The following INTS4 variants were observed in gnomAD, a reference collection of about 807,000 sequenced individuals.
INTS4 encodes integrator complex subunit 4.
In INTS4, 70 loss-of-function variants were observed where a neutral mutation model predicts 119.5. That is an observed-to-expected ratio of 0.59 (90% CI 0.48 to 0.71). The LOEUF is 0.71. INTS4 is among the 30% of genes least tolerant of loss of function. INTS4 has a pLI of 0.00. For missense variants in INTS4, 867 were observed against 1,173.2 expected (o/e 0.74, Z 3.81); for synonymous variants, 316 against 419.6 (o/e 0.75, Z 3.02).
At chr11:77,931,036 A>C (rs1953635912) in intron 10 of INTS4, among the ~76,000 whole-genome samples, 1 of 152,220 alleles carries the variant, frequency 6.6e-6, no homozygotes, top group African/African-American at 2.4e-5. Flanking sequence ...GCTTACAAAC[A>C]AGAACAGTTA....
chr11:77,947,269 T>C (rs1477779450), intron 8 of INTS4, among the ~76,000 whole-genome samples: 28 of 152,032 alleles, frequency 1.8e-4, no homozygotes, highest in Non-Finnish European at 2.8e-4. Flanking sequence ...ACTTGCCAAG[T>C]AGTGGGAGAA....
At chr11:77,882,190 CA>C (rs569590112) in intron 22 of INTS4, among the ~76,000 whole-genome samples, 238 of 152,270 alleles carry the variant, frequency 1.6e-3, no homozygotes, top group African/African-American at 5.1e-3. Flanking sequence ...ATTACAGGTA[CA>C]AGCCACCAGG....
intron 14 of INTS4, among the ~76,000 whole-genome samples, chr11:77,920,270 T>C (rs79766957): frequency 5.3e-5 from 6 of 114,014 alleles, no homozygotes; most frequent in Admixed American, 1.7e-4. Context: ...TATATACACA[T>C]ATATATACAC....
At chr11:77,899,037 A>T (rs904132328) in intron 18 of INTS4, among the ~76,000 whole-genome samples, 16 of 152,140 alleles carry the variant, frequency 1.1e-4, no homozygotes, top group African/African-American at 2.9e-4. Context: ...AATAAATAAA[A>T]TAAATAAATG....
At chr11:77,965,126 T>C (rs1855444575) in intron 4 of INTS4, among the ~76,000 whole-genome samples, 1 of 152,144 alleles carries the variant, frequency 6.6e-6, no homozygotes, top group Admixed American at 6.5e-5. Flanking sequence ...TGTAGTGGCA[T>C]GATCATAGCT....
chr11:77,985,865 A>T (rs561579781), intron 2 of INTS4, among the ~76,000 whole-genome samples: 2 of 152,348 alleles, frequency 1.3e-5, no homozygotes, highest in East Asian at 3.9e-4. Context: ...GCACAGTAGC[A>T]TAAGTGAAGA....
intron 18 of INTS4, among the ~76,000 whole-genome samples, chr11:77,900,313 A>G (rs912193920): frequency 3.3e-5 from 5 of 152,030 alleles, no homozygotes; most frequent in South Asian, 2.1e-4. Context: ...GTTAGCCAGG[A>G]TGCTCTTGAT....
At chr11:77,952,216 T>G (rs1387336821) in intron 8 of INTS4, among the ~76,000 whole-genome samples, 2 of 152,186 alleles carry the variant, frequency 1.3e-5, no homozygotes, top group East Asian at 3.8e-4. Context: ...GAGATACTAA[T>G]AAAGCAGCAG....
downstream of INTS4, among the ~76,000 whole-genome samples, chr11:77,874,395 A>T (rs189553045): frequency 9.3e-5 from 14 of 150,468 alleles, no homozygotes; most frequent in East Asian, 2.7e-3. Flanking sequence ...TTTTGGTCAA[A>T]TGTAAGGTGA....
chr11:77,960,495 T>C, intron 5 of INTS4, 104 bp from the exon 6 acceptor site: 3 of 851,132 alleles, frequency 3.5e-6, no homozygotes, highest in African/African-American at 1.7e-5. Flanking sequence ...CAGGCTAACA[T>C]GGTTCCTTTT....
Position 77,925,562 on chromosome 11 carries a change from A to G in INTS4, c.1372-670T>C, listed in dbSNP as rs563849682. On this transcript the variant is annotated intron_variant, in intron 11 of 22. Coordinates refer to ENST00000534064, the MANE Select transcript of INTS4 (RefSeq NM_033547.4). Reference sequence around the variant, plus strand: ...AATGGAGGAGTGAGGGAAAAAGTCAATCTATCTGAAGTGAATTTCAAGATT... The same window carrying G: ...AATGGAGGAGTGAGGGAAAAAGTCAGTCTATCTGAAGTGAATTTCAAGATT... Among the ~76,000 whole-genome samples the G allele has an allele frequency of 2.0e-5, 3 of 152,384 alleles. No individual in the cohort carries two copies. In the East Asian group the frequency reaches 5.8e-4, roughly 29 times the overall value.
intron 9 of INTS4, among the ~76,000 whole-genome samples, chr11:77,940,312 T>G (rs1953899480): frequency 6.6e-6 from 1 of 152,078 alleles, no homozygotes; most frequent in African/African-American, 2.4e-5. Flanking sequence ...ATGCCTGTAG[T>G]CCCAGCTACT....
downstream of INTS4, among the ~76,000 whole-genome samples, chr11:77,878,287 A>G (rs1023377645): frequency 1.1e-4 from 17 of 151,896 alleles, no homozygotes; most frequent in South Asian, 8.3e-4. Context: ...GCTTGAACCC[A>G]GGAGGCAGAG....
chr11:77,933,303 G>A (rs867731086), intron 10 of INTS4, among the ~76,000 whole-genome samples: 1 of 151,450 alleles, frequency 6.6e-6, no homozygotes, highest in Non-Finnish European at 1.5e-5. Context: ...CCACCATCTC[G>A]GCTCACTGCA....
At chr11:77,928,294 G>A (rs1193717162) in intron 11 of INTS4, 48 bp downstream of exon 11, 1 of 1,461,176 alleles carries the variant, frequency 6.8e-7, no homozygotes. Flanking sequence ...GATTTTAACA[G>A]GGGGGGGTGA....
At chr11:77,882,965 G>A (rs981562381) in intron 22 of INTS4, among the ~76,000 whole-genome samples, 4 of 151,958 alleles carry the variant, frequency 2.6e-5, no homozygotes, top group Admixed American at 6.6e-5. Context: ...CCAGCTACTC[G>A]GGAGGCTGAG....
At chr11:77,931,035 C>A (rs576689036) in intron 10 of INTS4, among the ~76,000 whole-genome samples, 195 of 152,242 alleles carry the variant, frequency 1.3e-3, no homozygotes, top group African/African-American at 4.5e-3. Context: ...GGCTTACAAA[C>A]AAGAACAGTT....
Position 77,901,498 on chromosome 11 carries a change from C to T in INTS4, c.2151G>A (p.Lys717=), listed in dbSNP as rs369338302. Residue 717 remains lysine, a synonymous_variant, in exon 18 of 23, where the codon AAG becomes AAA. Coordinates refer to ENST00000534064, the MANE Select transcript of INTS4 (RefSeq NM_033547.4). ...MEFMYSGVEN[K]QVVIIHHMRL... ...TCATGTGATGTATAATCACCACCTG[C>T]TTATTCTCCACACCACTGTACATGA... The T allele has an allele frequency of 6.2e-7, 1 of 1,612,688 alleles. No individual in the cohort carries two copies. The highest frequency in any genetic ancestry group is 1.3e-5 in the African/African-American group (1 of 74,890).
intron 8 of INTS4, among the ~76,000 whole-genome samples, chr11:77,941,588 T>C (rs1953930856): frequency 6.6e-6 from 1 of 151,942 alleles, no homozygotes; most frequent in Non-Finnish European, 1.5e-5. Context: ...CTCAGCCTCC[T>C]GAGTAGCTGG....
Sources: allele counts gnomAD v4.1 joint callset (sites outside exome capture counted in the v4.1 genomes callset), GRCh38; gene constraint gnomAD v4.1.1; transcripts MANE v1.5; gene names NCBI Gene and HGNC (gene_info 2026-07-23, HGNC 2026-07-21).